The following MSI1 variants were observed in gnomAD, a reference collection of about 807,000 sequenced individuals.
MSI1 encodes RNA-binding protein Musashi homolog 1.
Under a neutral mutation model 54.4 loss-of-function variants are expected in MSI1, and 15 were observed. That is an observed-to-expected ratio of 0.28 (90% CI 0.18 to 0.42). The LOEUF (loss-of-function observed/expected upper bound fraction) is 0.42. MSI1 is among the 20% of genes least tolerant of loss of function. The pLI is 1.00. For missense variants in MSI1, 304 were observed against 506.0 expected (o/e 0.60, Z 3.83); for synonymous variants, 200 against 196.5 (o/e 1.02, Z -0.15).
At chr12:120,348,026 C>T (rs1375931838) in intron 11 of MSI1, among the ~76,000 whole-genome samples, 1 of 152,142 alleles carries the variant, frequency 6.6e-6, no homozygotes, top group Non-Finnish European at 1.5e-5. Context: ...TGAGGCTGGG[C>T]TCACACCGAG....
At position 120,363,023 on chromosome 12, in the gene MSI1, C is replaced by A; in HGVS notation, c.402+20G>T. On this transcript the variant is annotated intron_variant, in intron 6 of 14. Transcript: ENST00000257552. ...GTGTGTTCACAGCCCCAGCAGCAAG[C>A]GCCCCCAGTTTAAACCCACCTTCCC... The A allele has an allele frequency of 6.2e-7, 1 of 1,603,980 alleles. No homozygotes were observed. Among genetic ancestry groups the A allele is most frequent in the Non-Finnish European group, 8.5e-7 (1 of 1,171,586 alleles).
At position 120,369,137 on chromosome 12, in the gene MSI1, CG is replaced by C; in HGVS notation, c.-47del. 1.0e-6 allele frequency: 1 copy of C among 1,000,718 alleles called. No individual in the cohort carries two copies. Among genetic ancestry groups the C allele is most frequent in the Non-Finnish European group, 1.2e-6 (1 of 844,846 alleles). 62.0% of individuals were successfully genotyped at this position (1,000,718 alleles called of 1,614,324 possible). On this transcript the variant is annotated 5_prime_UTR_variant, in exon 1 of 15. Coordinates refer to ENST00000257552, the MANE Select transcript of MSI1 (RefSeq NM_002442.4). ...GGCAGCGGAGCGGCGGCGGCGGCGG[CG>C]GCGGCGGCGCTCGGCGCGGGGCAGA...
In MSI1 at chr12:120,341,675, A is replaced by C. The variant is rs557336724; in HGVS notation, c.*1452T>G. Reference sequence around the variant, plus strand: ...ATTAAAAAAAAAAAAAACCCAAAACACGAACAGCCGCGCATCTCAGTAACA... The same window carrying C: ...ATTAAAAAAAAAAAAAACCCAAAACCCGAACAGCCGCGCATCTCAGTAACA... On this transcript the variant is annotated 3_prime_UTR_variant, in exon 15 of 15. Transcript: ENST00000257552. 1.3e-5 allele frequency: 2 copies of C among 152,242 alleles called. No homozygotes were observed. Among genetic ancestry groups the C allele is most frequent in the East Asian group, 3.9e-4 (2 of 5,166 alleles). The allele number at this position is 152,242 out of a possible 1,614,324, so 9.4% of individuals were successfully genotyped here.
In MSI1 at chr12:120,356,887, C is replaced by T; in HGVS notation, c.652+15G>A. The T allele has an allele frequency of 3.1e-6, 5 of 1,611,062 alleles. No individual in the cohort carries two copies. The highest frequency in any genetic ancestry group is 2.2e-5 in the East Asian group (1 of 44,892). On this transcript the variant is annotated intron_variant, in intron 9 of 14. Coordinates refer to ENST00000257552, the MANE Select transcript of MSI1 (RefSeq NM_002442.4). ...TTCTGGCAGAAAGAAGCCGCAGGCGCAGGCTCGCGCATACCCAGCATGCCG... is the reference window on the plus strand; with the variant it reads ...TTCTGGCAGAAAGAAGCCGCAGGCGTAGGCTCGCGCATACCCAGCATGCCG...
chr12:120,354,739 C>T (rs1426981423), intron 9 of MSI1, among the ~76,000 whole-genome samples: 2 of 152,140 alleles, frequency 1.3e-5, no homozygotes, highest in East Asian at 3.9e-4. Flanking sequence ...CTTCTTTTTC[C>T]ACCTCTTAAA....
chr12:120,345,698 T>TCA, intron 13 of MSI1, 66 bp from the exon 14 acceptor site: 1 of 1,585,792 alleles, frequency 6.3e-7, no homozygotes, highest in Non-Finnish European at 8.7e-7. Context: ...GCTCCTTCTC[T>TCA]CTCTGCAGGA....
intron 10 of MSI1, among the ~76,000 whole-genome samples, chr12:120,351,770 G>A (rs1874626590): frequency 6.8e-6 from 1 of 146,658 alleles, no homozygotes; most frequent in Admixed American, 6.9e-5. Context: ...GTGCAGTGGC[G>A]CGATCTCGGC....
At chr12:120,355,349 G>C (rs1317826666) in intron 9 of MSI1, among the ~76,000 whole-genome samples, 1 of 148,332 alleles carries the variant, frequency 6.7e-6, no homozygotes, top group African/African-American at 2.5e-5. Context: ...AGCTTCCAGT[G>C]AGCCAAGATC....
intron 11 of MSI1, among the ~76,000 whole-genome samples, chr12:120,350,831 C>G (rs1273691499): frequency 6.6e-6 from 1 of 152,238 alleles, no homozygotes; most frequent in Non-Finnish European, 1.5e-5. Flanking sequence ...CATTTAGAAT[C>G]TGTTGCCAAC....
At position 120,348,566 on chromosome 12, in the gene MSI1, T is replaced by A. The variant is rs1009824698; in HGVS notation, c.791-1052A>T. 1.5e-4 allele frequency among the ~76,000 whole-genome samples: 23 copies of A among 149,672 alleles called. 1 individual carries two copies. Among genetic ancestry groups the A allele is most frequent in the East Asian group, 2.0e-4 (1 of 5,116 alleles). ...CCCTCCAAAAATATCTTTTTTTTTT[T>A]AAATTAATTTTTTTGTAAAGATAGG... is the stretch of plus-strand genomic sequence containing the variant. On this transcript the variant is annotated intron_variant, in intron 11 of 14. Coordinates refer to ENST00000257552, the MANE Select transcript of MSI1 (RefSeq NM_002442.4).
At position 120,357,802 on chromosome 12, in the gene MSI1, C is replaced by T. The variant is rs368267687; in HGVS notation, c.534+14G>A. The T allele has an allele frequency of 2.6e-5, 42 of 1,613,318 alleles. No homozygotes were observed. Among genetic ancestry groups the T allele is most frequent in the South Asian group, 2.2e-4 (20 of 91,020 alleles). On this transcript the variant is annotated intron_variant, in intron 8 of 14. Transcript: ENST00000257552. ...GCTTACAGGCGTGAGCCACTGCGCC[C>T]GGACCCAACTCACCATTTTGTTGTT...
chr12:120,347,422 T>C (rs1217736349), intron 12 of MSI1, 24 bp downstream of exon 12: 1 of 1,613,694 alleles, frequency 6.2e-7, no homozygotes, highest in African/African-American at 1.3e-5. Context: ...CTCATCTCTC[T>C]TCCTGCACCT....
At chr12:120,361,092 T>C (rs957218427) in intron 6 of MSI1, among the ~76,000 whole-genome samples, 1 of 152,120 alleles carries the variant, frequency 6.6e-6, no homozygotes, top group Non-Finnish European at 1.5e-5. Context: ...GGGGGGAACG[T>C]GGCAAAGCTG....
chr12:120,358,336 G>C (rs1875319809), intron 7 of MSI1, among the ~76,000 whole-genome samples: 3 of 152,168 alleles, frequency 2.0e-5, no homozygotes, highest in Admixed American at 2.0e-4. Context: ...GTATCACGCA[G>C]ACACATGCAG....
At chr12:120,356,701 C>A (rs1875150047) in intron 9 of MSI1, among the ~76,000 whole-genome samples, 1 of 152,172 alleles carries the variant, frequency 6.6e-6, no homozygotes, top group Admixed American at 6.5e-5. Flanking sequence ...CTGGCTACCA[C>A]CAGAGGGCAG....
Position 120,368,710 on chromosome 12 carries a change from A to T in MSI1, c.100+123T>A. ...TCTCGGGGTCTCCGGGCGGGGCGCG[A>T]AAGAGGGCGCGAGGGCGCCCGGGGT... On this transcript the variant is annotated intron_variant, in intron 2 of 14. Transcript: ENST00000257552. The surrounding 1 kb of genome is among the most constrained non-coding windows in gnomAD (Gnocchi z 6.6). 1.1e-6 allele frequency: 1 copy of T among 881,188 alleles called. No individual in the cohort carries two copies. The highest frequency in any genetic ancestry group is 1.8e-5 in the African/African-American group (1 of 55,392). The allele number at this position is 881,188 out of a possible 1,614,324, so 54.6% of individuals were successfully genotyped here.
chr12:120,340,886 CTT>C (rs34926125), downstream of MSI1, among the ~76,000 whole-genome samples: 590 of 119,400 alleles, frequency 4.9e-3, 3 homozygotes, highest in African/African-American at 0.018. Flanking sequence ...TTCTCCTATT[CTT>C]TTTTTTTTTT....
At chr12:120,349,338 A>T (rs996190538) in intron 11 of MSI1, among the ~76,000 whole-genome samples, 1 of 152,128 alleles carries the variant, frequency 6.6e-6, no homozygotes, top group Non-Finnish European at 1.5e-5. Flanking sequence ...ACCTCAGGTG[A>T]TCTGCCTGCC....
chr12:120,358,782 G>T (rs149764198), intron 7 of MSI1, among the ~76,000 whole-genome samples: 42 of 152,076 alleles, frequency 2.8e-4, no homozygotes, highest in South Asian at 4.2e-4. Flanking sequence ...TGCAGGGACT[G>T]GGGGGGTGGG....
Sources: allele counts gnomAD v4.1 joint callset (sites outside exome capture counted in the v4.1 genomes callset), GRCh38; gene constraint gnomAD v4.1.1; non-coding constraint Gnocchi (gnomAD v3.1); transcripts MANE v1.5; gene names NCBI Gene and HGNC (gene_info 2026-07-23, HGNC 2026-07-21).